LZTS1: variants seen among roughly 807,000 people sequenced by gnomAD.
LZTS1 encodes the protein leucine zipper tumor suppressor 1.
Under a neutral mutation model 45.8 loss-of-function variants are expected in LZTS1, and 31 were observed. The observed-to-expected ratio is 0.68, with a 90% confidence interval of 0.51 to 0.91. The LOEUF (loss-of-function observed/expected upper bound fraction) is 0.91. Among genes scored for constraint, LZTS1 ranks in the 40% least tolerant of loss-of-function variants. LZTS1 has a pLI of 0.00. For synonymous variants in LZTS1, 359 were observed against 357.3 expected (o/e 1.00, Z -0.05); for missense variants, 821 against 788.9 (o/e 1.04, Z -0.49).
chr8:20,297,713 G>T (rs1801001493), intron 1 of LZTS1, among the ~76,000 whole-genome samples: 1 of 152,134 alleles, frequency 6.6e-6, no homozygotes, highest in Non-Finnish European at 1.5e-5. Flanking sequence ...ATCACGCCAG[G>T]CCCTAGTTTA....
intron 1 of LZTS1, among the ~76,000 whole-genome samples, chr8:20,255,816 T>G (rs1038812510): frequency 1.3e-5 from 2 of 152,024 alleles, no homozygotes; most frequent in Non-Finnish European, 2.9e-5. Flanking sequence ...GGTTCACACC[T>G]GTAATCCCAG....
At chr8:20,274,284 C>A (rs1800531137) in intron 1 of LZTS1, among the ~76,000 whole-genome samples, 1 of 152,180 alleles carries the variant, frequency 6.6e-6, no homozygotes, top group Admixed American at 6.5e-5. Flanking sequence ...TGTGTTTATG[C>A]ATCGTATTTT....
At chr8:20,281,064 T>C (rs1033283778) in intron 1 of LZTS1, among the ~76,000 whole-genome samples, 3 of 152,234 alleles carry the variant, frequency 2.0e-5, no homozygotes, top group Non-Finnish European at 1.5e-5. Context: ...AGACGGTGTC[T>C]ACTCAGTATT....
Position 20,249,351 on chromosome 8 carries a change from GGGA to G in LZTS1, c.*368_*370del. 2 of 221,340 alleles carry G rather than the reference GGGA, an allele frequency of 9.0e-6. No individual in the cohort carries two copies. Among genetic ancestry groups the G allele is most frequent in the Non-Finnish European group, 1.8e-5 (2 of 111,348 alleles). 13.7% of individuals were successfully genotyped at this position (221,340 alleles called of 1,614,324 possible). On this transcript the variant is annotated 3_prime_UTR_variant, in exon 4 of 4. Coordinates refer to ENST00000381569, the MANE Select transcript of LZTS1 (RefSeq NM_021020.5). ...ATGTGTCCAGGAGGAAAAAGAGGTTGGGATGAGAAGCAGAGGGGAGCCGCTGTA... is the reference window on the plus strand; with the variant it reads ...ATGTGTCCAGGAGGAAAAAGAGGTTGTGAGAAGCAGAGGGGAGCCGCTGTA...
At chr8:20,276,623 A>G (rs371166369) in intron 1 of LZTS1, among the ~76,000 whole-genome samples, 1 of 152,166 alleles carries the variant, frequency 6.6e-6, no homozygotes, top group Admixed American at 6.5e-5. Context: ...AGTGTGTTTC[A>G]CTGAGTTCTG....
intron 1 of LZTS1, among the ~76,000 whole-genome samples, chr8:20,258,604 G>T (rs768053057): frequency 5.3e-5 from 8 of 152,172 alleles, no homozygotes; most frequent in Non-Finnish European, 1.0e-4. Flanking sequence ...TGATGGCTTT[G>T]TATACTCGAG....
chr8:20,295,613 C>T (rs1296695295), intron 1 of LZTS1, among the ~76,000 whole-genome samples: 1 of 152,148 alleles, frequency 6.6e-6, no homozygotes, highest in Non-Finnish European at 1.5e-5. Flanking sequence ...ATAACCTATG[C>T]TGGGAGGGAG....
chr8:20,290,063 A>G (rs1800873440), intron 1 of LZTS1: 1 of 152,238 alleles, frequency 6.6e-6, no homozygotes, highest in African/African-American at 2.4e-5. Flanking sequence ...GACACAAGTA[A>G]CAAACTCAGC....
intron 3 of LZTS1, among the ~76,000 whole-genome samples, 183 bp downstream of exon 3, chr8:20,252,599 A>G (rs1157478113): frequency 6.6e-6 from 1 of 152,200 alleles, no homozygotes; most frequent in East Asian, 1.9e-4. Context: ...GGAAGCTCAG[A>G]TGTAAGTCGA....
At chr8:20,251,379 A>G (rs2128891528) in intron 3 of LZTS1, among the ~76,000 whole-genome samples, 1 of 151,868 alleles carries the variant, frequency 6.6e-6, no homozygotes, top group Non-Finnish European at 1.5e-5. Flanking sequence ...GTAGGGTCGG[A>G]TTTTCTCCAG....
chr8:20,252,896 G>A lies in LZTS1; in HGVS notation c.1035C>T (p.Leu345=). ...TCATGAGGCTCTCGAGCTCCTGCCG[G>A]AGCTGCCGCTTCTCCTGCTGAAGCT... The part of the protein sequence containing the change: ...VLQLQQEKRQ[L]RQELESLMKE... Residue 345 remains leucine (L), a synonymous_variant, in exon 3 of 4, where the codon CTC becomes CTT. Coordinates refer to ENST00000381569, the MANE Select transcript of LZTS1 (RefSeq NM_021020.5). 6.2e-7 allele frequency: 1 copy of A among 1,610,628 alleles called. No individual in the cohort carries two copies. Among genetic ancestry groups the A allele is most frequent in the South Asian group, 1.1e-5 (1 of 90,968 alleles).
chr8:20,300,214 A>T (rs979443405), intron 1 of LZTS1, among the ~76,000 whole-genome samples: 5 of 152,182 alleles, frequency 3.3e-5, no homozygotes, highest in Non-Finnish European at 7.3e-5. Flanking sequence ...GCAGAAATCC[A>T]CTGTTGGGAA....
intron 1 of LZTS1, among the ~76,000 whole-genome samples, chr8:20,256,591 C>T (rs6586900): frequency 0.35 from 53,880 of 151,920 alleles, 9,834 homozygotes; most frequent in East Asian, 0.45. Context: ...TCAAGACCAG[C>T]CTGGGCAACA....
At chr8:20,276,147 G>A (rs186829173) in intron 1 of LZTS1, among the ~76,000 whole-genome samples, 6 of 152,176 alleles carry the variant, frequency 3.9e-5, no homozygotes, top group Admixed American at 2.6e-4. Context: ...TTTAAGATAC[G>A]CTGGTTTAAT....
At chr8:20,255,442 G>A in intron 1 of LZTS1, 127 bp from the exon 2 acceptor site, 1 of 557,740 alleles carries the variant, frequency 1.8e-6, no homozygotes, top group Admixed American at 3.7e-5. Context: ...CCACCACCGG[G>A]TGCTCCGTTC....
chr8:20,271,608 C>T (rs1205783536), intron 1 of LZTS1, among the ~76,000 whole-genome samples: 1 of 152,166 alleles, frequency 6.6e-6, no homozygotes, highest in Non-Finnish European at 1.5e-5. Context: ...ACTCATAGGC[C>T]CCACTTGCCA....
chr8:20,280,626 T>C (rs1402569441), intron 1 of LZTS1, among the ~76,000 whole-genome samples: 1 of 151,982 alleles, frequency 6.6e-6, no homozygotes, highest in Non-Finnish European at 1.5e-5. Flanking sequence ...GGGGAGTCGA[T>C]TGCGCTAATG....
At chr8:20,279,562 C>T (rs7822752) in intron 1 of LZTS1, among the ~76,000 whole-genome samples, 5,058 of 150,822 alleles carry the variant, frequency 0.034, 279 homozygotes, top group African/African-American at 0.12. Flanking sequence ...ATTAGCTGGG[C>T]GTGGTGCCAT....
Position 20,303,735 on chromosome 8 carries a change from C to T in LZTS1, c.-135+5G>A, listed in dbSNP as rs549137366. 1.1e-5 allele frequency: 11 copies of T among 985,432 alleles called. No individual in the cohort carries two copies. The highest frequency in any genetic ancestry group is 4.7e-5 in the South Asian group (1 of 21,286). The allele number at this position is 985,432 out of a possible 1,614,324, so 61.0% of individuals were successfully genotyped here. ...GCGAGGAGATCCCCGGCCACCGCAC[C>T]TTACCTGCCCCCTGCGCCTCGGGCG... On this transcript the variant is annotated splice_donor_5th_base_variant and intron_variant, in intron 1 of 3. Coordinates refer to ENST00000381569, the MANE Select transcript of LZTS1 (RefSeq NM_021020.5).
Sources: gnomAD v4.1 joint callset for allele counts (sites outside exome capture counted in the v4.1 genomes callset) on GRCh38, gnomAD v4.1.1 for gene constraint, MANE v1.5 for transcripts, NCBI Gene and HGNC (gene_info 2026-07-23, HGNC 2026-07-21) for gene names.